Variants in KHDRBS2 observed in about 807,000 individuals in gnomAD.
KHDRBS2 encodes the protein KH domain-containing, RNA-binding, signal transduction-associated protein 2.
KHDRBS2 carries 26 observed loss-of-function variants against 44.3 expected under a neutral mutation model. That is an observed-to-expected ratio of 0.59 (90% CI 0.43 to 0.81). The LOEUF (loss-of-function observed/expected upper bound fraction) is 0.81, where lower values mean the gene tolerates loss of function less well. Among genes scored for constraint, KHDRBS2 ranks in the 40% least tolerant of loss-of-function variants. The pLI is 0.00. For synonymous variants in KHDRBS2, 194 were observed against 151.1 expected (o/e 1.28, Z -2.08); for missense variants, 476 against 433.1 (o/e 1.10, Z -0.88).
chr6:61,816,917 C>T, intron 6 of KHDRBS2: 1 of 455,518 alleles, frequency 2.2e-6, no homozygotes, highest in Non-Finnish European at 4.4e-6. Context: ...AGAAGTTAGT[C>T]ATTTCCATCT....
intron 3 of KHDRBS2, among the ~76,000 whole-genome samples, chr6:62,007,580 G>A (rs1181045803): frequency 1.3e-5 from 2 of 152,008 alleles, no homozygotes; most frequent in Non-Finnish European, 2.9e-5. Context: ...AAAAAAGTAA[G>A]TGAAACTAAA....
At chr6:62,140,084 T>C (rs545039395) in intron 2 of KHDRBS2, among the ~76,000 whole-genome samples, 46 of 152,360 alleles carry the variant, frequency 3.0e-4, no homozygotes, top group Middle Eastern at 3.4e-3. Flanking sequence ...GGAAATCTTT[T>C]CCTTCACTAT....
In KHDRBS2 at chr6:62,232,322, A is replaced by G. The variant is rs79328893; in HGVS notation, c.91+53536T>C. Among the ~76,000 whole-genome samples, 781 of 152,272 alleles carry G rather than the reference A, an allele frequency of 5.1e-3. 9 individuals are homozygous for G. Among genetic ancestry groups the G allele is most frequent in the African/African-American group, 0.018 (739 of 41,564 alleles). On this transcript the variant is annotated intron_variant, in intron 1 of 8. Coordinates refer to ENST00000281156, the MANE Select transcript of KHDRBS2 (RefSeq NM_152688.4). The stretch of plus-strand genomic sequence containing the variant: ...GTAAATAATAGTCACTTAATAAATA[A>G]TTATTGAATAAATGTCAGAAAATAA...
chr6:62,078,134 TG>T (rs1243424881), intron 2 of KHDRBS2, among the ~76,000 whole-genome samples: 2 of 152,056 alleles, frequency 1.3e-5, no homozygotes, highest in Non-Finnish European at 2.9e-5. Flanking sequence ...TCCACAGTTT[TG>T]CGATTCACTC....
intron 2 of KHDRBS2, among the ~76,000 whole-genome samples, chr6:62,164,901 T>A (rs1365665961): frequency 6.6e-6 from 1 of 151,892 alleles, no homozygotes; most frequent in African/African-American, 2.4e-5. Context: ...ATAACTTGTA[T>A]TTTTCTAAGT....
At chr6:61,887,099 A>G (rs1472454142) in intron 6 of KHDRBS2, among the ~76,000 whole-genome samples, 2 of 128,740 alleles carry the variant, frequency 1.6e-5, no homozygotes, top group African/African-American at 3.2e-5. Context: ...AACACAATGT[A>G]TCAGATAGAG....
intron 2 of KHDRBS2, among the ~76,000 whole-genome samples, chr6:62,080,690 G>A (rs1367439277): frequency 6.6e-6 from 1 of 152,044 alleles, no homozygotes; most frequent in African/African-American, 2.4e-5. Context: ...TCAGTATCGT[G>A]CTCTGTGTCC....
intron 1 of KHDRBS2, among the ~76,000 whole-genome samples, chr6:62,192,136 A>G (rs1824758048): frequency 6.6e-6 from 1 of 152,060 alleles, no homozygotes; most frequent in African/African-American, 2.4e-5. Context: ...TATTTTATTC[A>G]ATATATCTGA....
chr6:62,093,731 C>T (rs1207826577), intron 2 of KHDRBS2, among the ~76,000 whole-genome samples: 4 of 151,760 alleles, frequency 2.6e-5, no homozygotes, highest in African/African-American at 9.7e-5. Flanking sequence ...ATTTAATAAA[C>T]TCATGTGGCA....
the KHDRBS2 span, among the ~76,000 whole-genome samples, chr6:61,569,858 C>T: frequency 6.6e-6 from 1 of 152,164 alleles, no homozygotes; most frequent in Non-Finnish European, 1.5e-5. Context: ...TGGGAAGTCC[C>T]ATCCCTAGGG....
At position 62,001,447 on chromosome 6, in the gene KHDRBS2, T is replaced by C. The variant is rs924570094; in HGVS notation, c.337-23235A>G. Among the ~76,000 whole-genome samples the C allele has an allele frequency of 4.6e-5, 7 of 151,886 alleles. 1 individual carries two copies. The highest frequency in any genetic ancestry group is 1.3e-4 in the Admixed American group (2 of 15,216). On this transcript the variant is annotated intron_variant, in intron 3 of 8. Coordinates refer to ENST00000281156, the MANE Select transcript of KHDRBS2 (RefSeq NM_152688.4). ...ACACTACATTAAAACATGGAATATA[T>C]TGGAAAAATGAAAAATATTTTTCAA... is the stretch of plus-strand genomic sequence containing the variant.
At chr6:62,057,742 C>A (rs1287579200) in intron 2 of KHDRBS2, among the ~76,000 whole-genome samples, 1 of 151,850 alleles carries the variant, frequency 6.6e-6, no homozygotes, top group Middle Eastern at 3.2e-3. Context: ...CAAATAATTT[C>A]AAGGTATTTT....
chr6:61,854,885 A>G (rs1318938429), intron 6 of KHDRBS2, among the ~76,000 whole-genome samples: 1 of 152,188 alleles, frequency 6.6e-6, no homozygotes, highest in Non-Finnish European at 1.5e-5. Context: ...TTAATAGTGC[A>G]AGAGACCTTC....
At chr6:62,058,384 C>G (rs1247385096) in intron 2 of KHDRBS2, among the ~76,000 whole-genome samples, 4 of 151,926 alleles carry the variant, frequency 2.6e-5, no homozygotes, top group Admixed American at 2.6e-4. Flanking sequence ...ATGTTACTTT[C>G]ACGTCCATCA....
chr6:61,991,537 A>G (rs148581142), intron 3 of KHDRBS2, among the ~76,000 whole-genome samples: 8 of 152,324 alleles, frequency 5.3e-5, no homozygotes, highest in African/African-American at 1.4e-4. Context: ...GAGGATCTCA[A>G]TAAAGTAATC....
At chr6:62,114,213 G>A (rs1805678972) in intron 2 of KHDRBS2, among the ~76,000 whole-genome samples, 1 of 152,066 alleles carries the variant, frequency 6.6e-6, no homozygotes, top group African/African-American at 2.4e-5. Context: ...GTGGGACACA[G>A]CCAAACCATA....
At chr6:61,837,638 C>A (rs558262491) in intron 6 of KHDRBS2, among the ~76,000 whole-genome samples, 1 of 152,086 alleles carries the variant, frequency 6.6e-6, no homozygotes, top group East Asian at 1.9e-4. Flanking sequence ...CTGACTCAAA[C>A]ACTACAAGCA....
At chr6:62,018,875 A>C (rs1014446148) in intron 3 of KHDRBS2, among the ~76,000 whole-genome samples, 1 of 152,198 alleles carries the variant, frequency 6.6e-6, no homozygotes, top group Non-Finnish European at 1.5e-5. Context: ...TTGTTTTAAT[A>C]ATATACTTTG....
chr6:61,748,318 C>G (rs895438182), intron 6 of KHDRBS2, among the ~76,000 whole-genome samples: 11 of 152,102 alleles, frequency 7.2e-5, no homozygotes, highest in Admixed American at 5.2e-4. Context: ...ATTACTCTCT[C>G]CTACTCTGGT....
Sources: gnomAD v4.1 joint callset for allele counts (sites outside exome capture counted in the v4.1 genomes callset) on GRCh38, gnomAD v4.1.1 for gene constraint, MANE v1.5 for transcripts, NCBI Gene and HGNC (gene_info 2026-07-23, HGNC 2026-07-21) for gene names.